Variants in RNF19A observed in about 807,000 individuals in gnomAD.
RNF19A encodes the protein ring finger protein 19A, RBR E3 ubiquitin protein ligase, also known as E3 ubiquitin-protein ligase RNF19A.
RNF19A carries 32 observed loss-of-function variants against 75.7 expected under a neutral mutation model. The observed-to-expected ratio is 0.42, with a 90% CI of 0.32 to 0.57. RNF19A has a LOEUF of 0.57. Among genes scored for constraint, RNF19A ranks in the 20% least tolerant of loss-of-function variants. The probability of loss-of-function intolerance (pLI) is 0.10; values close to 1 mark genes in which losing one functional copy is unlikely to be tolerated. For missense variants in RNF19A, 782 were observed against 1,036.3 expected, an observed-to-expected ratio of 0.75 and a Z score of 3.37; for synonymous variants, 335 against 345.2, an observed-to-expected ratio of 0.97 and a Z score of 0.33.
chr8:100,266,083 T>C (rs1195505122), intron 5 of RNF19A, among the ~76,000 whole-genome samples: 1 of 152,268 alleles, frequency 6.6e-6, no homozygotes. Context: ...GCACCAATGT[T>C]TGATTAGTGA....
In RNF19A at chr8:100,269,468, C is replaced by T. The variant is rs1054828927; in HGVS notation, c.1028+401G>A. Among the ~76,000 whole-genome samples the T allele has an allele frequency of 7.3e-5, 11 of 151,688 alleles. No individual in the cohort carries two copies. Among genetic ancestry groups the T allele is most frequent in the African/African-American group, 2.7e-4 (11 of 41,316 alleles). On this transcript the variant is annotated intron_variant, in intron 4 of 9. Coordinates refer to ENST00000341084, the MANE Select transcript of RNF19A (RefSeq NM_183419.4). This position sits in a 1 kb window ranked among gnomAD's most constrained non-coding sequence, Gnocchi z 5.7. Reference sequence around the variant, plus strand: ...CCTAGTCCTCCATTATCCTCAAACCCTTAAGTCAGTTTTTTAATAGTAAAC... The same window carrying T: ...CCTAGTCCTCCATTATCCTCAAACCTTTAAGTCAGTTTTTTAATAGTAAAC...
At chr8:100,313,033 T>C (rs1361710911), upstream of RNF19A, among the ~76,000 whole-genome samples, 3 of 152,368 alleles carry the variant, frequency 2.0e-5, no homozygotes, top group African/African-American at 7.2e-5. Context: ...CATTTCCCAC[T>C]GGAATACTGC....
chr8:100,327,492 G>A (rs905445451), intron 1 of RNF19A, among the ~76,000 whole-genome samples: 5 of 151,892 alleles, frequency 3.3e-5, no homozygotes, highest in Admixed American at 2.0e-4. Context: ...CTCAAGTGAT[G>A]TTCCCGCCTC....
rs1819662347 is a variant in RNF19A at position 100,260,511 on chromosome 8, C to T, written c.1683-514G>A. On this transcript the variant is annotated intron_variant, in intron 8 of 9. Transcript: ENST00000341084. This position sits in a 1 kb window ranked among gnomAD's most constrained non-coding sequence, Gnocchi z 4.1. ...TCTCAAATTCCTGGCCTCAAGCTAT[C>T]CTCCCAACCTGGCCTCCCAAAGTGC... Among the ~76,000 whole-genome samples the T allele has an allele frequency of 6.6e-6, 1 of 152,132 alleles. No individual in the cohort carries two copies. The highest frequency in any genetic ancestry group is 1.5e-5 in the Non-Finnish European group (1 of 68,038).
At chr8:100,328,541 G>A (rs7815322) in intron 1 of RNF19A, among the ~76,000 whole-genome samples, 3,202 of 151,280 alleles carry the variant, frequency 0.021, 111 homozygotes, top group African/African-American at 0.073. Flanking sequence ...GCACAATCTC[G>A]GCTCCCTGCA....
At chr8:100,281,002 T>C (rs1820756694) in intron 2 of RNF19A, among the ~76,000 whole-genome samples, 1 of 152,212 alleles carries the variant, frequency 6.6e-6, no homozygotes, top group Non-Finnish European at 1.5e-5. Context: ...AAGAACAGGC[T>C]CAATAGAAGG....
At chr8:100,285,356 CTA>C (rs1417558537) in intron 2 of RNF19A, among the ~76,000 whole-genome samples, 1 of 152,062 alleles carries the variant, frequency 6.6e-6, no homozygotes, top group African/African-American at 2.4e-5. Context: ...TTTCGTAATT[CTA>C]TATGTTGAAT....
Position 100,270,021 on chromosome 8 carries a change from G to T in RNF19A, c.884-8C>A. On this transcript the variant is annotated splice_polypyrimidine_tract_variant and splice_region_variant and intron_variant, in intron 3 of 9. Coordinates refer to ENST00000341084, the MANE Select transcript of RNF19A (RefSeq NM_183419.4). Reference sequence around the variant, plus strand: ...ATGGCTTTATATCATCAGCTATTGGGAACACAGAGAAATCTATTAAGTACA... The same window carrying T: ...ATGGCTTTATATCATCAGCTATTGGTAACACAGAGAAATCTATTAAGTACA... 1 of 1,559,052 alleles carries T rather than the reference G, an allele frequency of 6.4e-7. No homozygotes were observed. The highest frequency in any genetic ancestry group is 8.7e-7 in the Non-Finnish European group (1 of 1,154,820).
chr8:100,334,393 G>A (rs972105447), intron 1 of RNF19A, among the ~76,000 whole-genome samples: 55 of 152,316 alleles, frequency 3.6e-4, no homozygotes, highest in African/African-American at 1.2e-3. Context: ...AGGCTGATAT[G>A]ATGACCAAGT....
intron 5 of RNF19A, among the ~76,000 whole-genome samples, chr8:100,267,640 G>A (rs911553685): frequency 5.3e-5 from 8 of 151,452 alleles, no homozygotes; most frequent in Non-Finnish European, 1.0e-4. Flanking sequence ...AAAGTGCTAC[G>A]ATGACAGGAG....
At position 100,270,092 on chromosome 8, in the gene RNF19A, A is replaced by G. The variant is rs189441461; in HGVS notation, c.884-79T>C. On this transcript the variant is annotated intron_variant, in intron 3 of 9. Coordinates refer to ENST00000341084, the MANE Select transcript of RNF19A (RefSeq NM_183419.4). ...CTTCTAGCAGTTTACCAATTGTAGCACTGTCAAAAAATCTTAAGATGTAGT... is the reference window on the plus strand; with the variant it reads ...CTTCTAGCAGTTTACCAATTGTAGCGCTGTCAAAAAATCTTAAGATGTAGT... The G allele has an allele frequency of 8.2e-5, 99 of 1,212,202 alleles. 1 individual carries two copies. The East Asian group carries it at 2.5e-3, about 30-fold the overall frequency. 75.1% of individuals were successfully genotyped at this position (1,212,202 alleles called of 1,614,324 possible).
chr8:100,265,576 C>CCAAAA lies in RNF19A; in HGVS notation c.1192-796_1192-792dup, dbSNP rs1819933082. On this transcript the variant is annotated intron_variant, in intron 5 of 9. Transcript: ENST00000341084. ...ATATGGCACATTTTCCCCCTCTGTT[C>CCAAAA]CAAAACAAATTCAAAACAGCCTCAA... Among the ~76,000 whole-genome samples, 4 of 152,174 alleles carry CCAAAA rather than the reference C, an allele frequency of 2.6e-5. No individual in the cohort carries two copies. In the East Asian group the frequency reaches 7.7e-4, roughly 29 times the overall value.
chr8:100,259,253 T>C lies in RNF19A; in HGVS notation c.1827-7A>G. 1 of 1,594,558 alleles carries C rather than the reference T, an allele frequency of 6.3e-7. No individual in the cohort carries two copies. Among genetic ancestry groups the C allele is most frequent in the Non-Finnish European group, 8.5e-7 (1 of 1,169,912 alleles). Reference sequence around the variant, plus strand: ...CTCCATACTGTTGCCTTCTCTGAAATATAAGAGTAACAAATACAAACATAA... The same window carrying C: ...CTCCATACTGTTGCCTTCTCTGAAACATAAGAGTAACAAATACAAACATAA... On this transcript the variant is annotated splice_polypyrimidine_tract_variant and splice_region_variant and intron_variant, in intron 9 of 9. Coordinates refer to ENST00000341084, the MANE Select transcript of RNF19A (RefSeq NM_183419.4). This position sits in a 1 kb window ranked among gnomAD's most constrained non-coding sequence, Gnocchi z 4.5.
chr8:100,273,223 C>T (rs529314074), intron 3 of RNF19A, among the ~76,000 whole-genome samples: 16 of 152,198 alleles, frequency 1.1e-4, no homozygotes, highest in African/African-American at 3.9e-4. Context: ...TTAAAACAAT[C>T]GCCTTGAGAC....
chr8:100,309,883 C>A lies in RNF19A; in HGVS notation c.-110G>T. The A allele has an allele frequency of 1.0e-6, 1 of 985,730 alleles. No homozygotes were observed. Among genetic ancestry groups the A allele is most frequent in the Non-Finnish European group, 1.2e-6 (1 of 830,162 alleles). The allele number at this position is 985,730 out of a possible 1,614,324, so 61.1% of individuals were successfully genotyped here. A position where few individuals can be genotyped will look rare whatever the true frequency, so the allele number is the denominator to read the frequency against. On this transcript the variant is annotated 5_prime_UTR_variant, in exon 1 of 10. Coordinates refer to ENST00000341084, the MANE Select transcript of RNF19A (RefSeq NM_183419.4). ...CGCCCGTACCTTTAACTCCTCAGAGCGGCGGCAGCGCAGGGTGGCGGGCGA... is the reference window on the plus strand; with the variant it reads ...CGCCCGTACCTTTAACTCCTCAGAGAGGCGGCAGCGCAGGGTGGCGGGCGA...
At chr8:100,274,773 A>C (rs1820422474) in intron 3 of RNF19A, among the ~76,000 whole-genome samples, 180 bp downstream of exon 3, 3 of 152,220 alleles carry the variant, frequency 2.0e-5, no homozygotes, top group African/African-American at 7.2e-5. Flanking sequence ...TGGACAGTAT[A>C]ATCTTTCTAA....
chr8:100,269,625 G>A lies in RNF19A; in HGVS notation c.1028+244C>T, dbSNP rs1368725327. The stretch of plus-strand genomic sequence containing the variant: ...TTTATGGGTCTAGCATAATTACACA[G>A]GGTATTACATACTTACTAGCATTCT... On this transcript the variant is annotated intron_variant, in intron 4 of 9. Transcript: ENST00000341084. This position sits in a 1 kb window ranked among gnomAD's most constrained non-coding sequence, Gnocchi z 5.7. 2.0e-5 allele frequency among the ~76,000 whole-genome samples: 3 copies of A among 151,942 alleles called. No homozygotes were observed. Among genetic ancestry groups the A allele is most frequent in the Non-Finnish European group, 2.9e-5 (2 of 67,976 alleles).
Position 100,328,913 on chromosome 8 carries a change from T to C in RNF19A, c.-243+7195A>G, listed in dbSNP as rs193187891. Among the ~76,000 whole-genome samples, 6 of 152,274 alleles carry C rather than the reference T, an allele frequency of 3.9e-5. No individual in the cohort carries two copies. The East Asian group carries it at 1.2e-3, about 29-fold the overall frequency. On this transcript the variant is annotated intron_variant, in intron 1 of 3. Transcript: ENST00000519527. Reference sequence around the variant, plus strand: ...GTCATAAGGGAATAGGACCCCCAGATGACACAGCTAGAGCACGAAGGGCTT... The same window carrying C: ...GTCATAAGGGAATAGGACCCCCAGACGACACAGCTAGAGCACGAAGGGCTT...
rs1267266730 is a variant in RNF19A at position 100,330,642 on chromosome 8, C to T, written c.-243+5466G>A. On this transcript the variant is annotated intron_variant, in intron 1 of 3. Coordinates refer to the RNF19A transcript ENST00000519527. This position sits in a 1 kb window ranked among gnomAD's most constrained non-coding sequence, Gnocchi z 4.1. ...GAGGGTGGAGAAAGAGAACGAATATCCTGATGATATTGTTGAGTCTCTGGA... is the reference window on the plus strand; with the variant it reads ...GAGGGTGGAGAAAGAGAACGAATATTCTGATGATATTGTTGAGTCTCTGGA... Among the ~76,000 whole-genome samples the T allele has an allele frequency of 6.6e-6, 1 of 152,188 alleles. No individual in the cohort carries two copies. Among genetic ancestry groups the T allele is most frequent in the East Asian group, 1.9e-4 (1 of 5,202 alleles).
Sources: gnomAD v4.1 joint callset for allele counts (sites outside exome capture counted in the v4.1 genomes callset) on GRCh38, gnomAD v4.1.1 for gene constraint, Gnocchi (gnomAD v3.1) non-coding constraint, MANE v1.5 for transcripts, NCBI Gene and HGNC (gene_info 2026-07-23, HGNC 2026-07-21) for gene names.